The following CNTN4 variants were observed in gnomAD, a reference collection of about 807,000 sequenced individuals.
The protein encoded by CNTN4 is contactin-4.
Under a neutral mutation model 122.5 loss-of-function variants are expected in CNTN4, and 77 were observed. The observed-to-expected ratio is 0.63, with a 90% CI of 0.52 to 0.76. CNTN4 has a LOEUF of 0.76. CNTN4 is among the 30% of genes least tolerant of loss of function. The probability of loss-of-function intolerance (pLI) is 0.00; values close to 1 mark genes in which losing one functional copy is unlikely to be tolerated. For synonymous variants in CNTN4, 512 were observed against 447.0 expected, an observed-to-expected ratio of 1.15 and a Z score of -1.83; for missense variants, 1,256 against 1,259.1, an observed-to-expected ratio of 1.00 and a Z score of 0.04.
At chr3:2,289,418 A>G (rs537320891) in intron 2 of CNTN4, among the ~76,000 whole-genome samples, 3 of 152,362 alleles carry the variant, frequency 2.0e-5, no homozygotes, top group Admixed American at 1.3e-4. Flanking sequence ...TAATAATAGT[A>G]TCTATAAGAC....
At chr3:2,961,983 T>C (rs140596555) in intron 13 of CNTN4, among the ~76,000 whole-genome samples, 1 of 152,334 alleles carries the variant, frequency 6.6e-6, no homozygotes, top group East Asian at 1.9e-4. Context: ...CTTTTTAAGC[T>C]TGGGGAAAAT....
intron 12 of CNTN4, among the ~76,000 whole-genome samples, chr3:2,911,183 G>T (rs1361092206): frequency 1.5e-5 from 2 of 133,630 alleles, no homozygotes; most frequent in Admixed American, 7.7e-5. Flanking sequence ...TATGTGGGAG[G>T]CCCCCTGAGA....
At chr3:2,326,243 G>C (rs1384046315) in intron 2 of CNTN4, among the ~76,000 whole-genome samples, 1 of 152,146 alleles carries the variant, frequency 6.6e-6, no homozygotes, top group Non-Finnish European at 1.5e-5. Context: ...CCTTTGAACT[G>C]GGACATTGGC....
intron 4 of CNTN4, among the ~76,000 whole-genome samples, chr3:2,664,314 C>A (rs1393240507): frequency 1.9e-5 from 2 of 105,810 alleles, no homozygotes; most frequent in Non-Finnish European, 4.3e-5. Flanking sequence ...CTGTGATTTT[C>A]TTTTTTGGTC....
chr3:2,703,947 T>C (rs2086502078), intron 4 of CNTN4, among the ~76,000 whole-genome samples: 2 of 151,986 alleles, frequency 1.3e-5, no homozygotes, highest in South Asian at 2.1e-4. Flanking sequence ...CATATAATTA[T>C]TAGGGAAGAG....
At chr3:2,445,668 A>G (rs987185467) in intron 3 of CNTN4, among the ~76,000 whole-genome samples, 1 of 152,212 alleles carries the variant, frequency 6.6e-6, no homozygotes, top group East Asian at 1.9e-4. Context: ...AATTATTATT[A>G]TATTAATAGT....
rs192298319 is a variant in CNTN4 at position 2,170,282 on chromosome 3, C to T, written c.-145+69643C>T. On this transcript the variant is annotated intron_variant, in intron 2 of 24. Transcript: ENST00000418658. The stretch of plus-strand genomic sequence containing the variant: ...TTGCAGTGAGCCGAGATCGCGCCAC[C>T]GCACTCCAGCCTGGGCGACACACCA... 3.5e-3 allele frequency among the ~76,000 whole-genome samples: 536 copies of T among 151,226 alleles called. 3 individuals are homozygous for T. Among genetic ancestry groups the T allele is most frequent in the Middle Eastern group, 0.024 (7 of 292 alleles).
chr3:2,718,813 A>T (rs1317698703), intron 4 of CNTN4, among the ~76,000 whole-genome samples: 1 of 152,218 alleles, frequency 6.6e-6, no homozygotes, highest in East Asian at 1.9e-4. Context: ...ACTATAAGCC[A>T]AACATTTTAC....
chr3:2,222,804 T>C (rs985989396), intron 2 of CNTN4, among the ~76,000 whole-genome samples: 1 of 152,184 alleles, frequency 6.6e-6, no homozygotes, highest in Non-Finnish European at 1.5e-5. Context: ...ATGGAATTTG[T>C]AAGTCAGATT....
Position 2,529,154 on chromosome 3 carries a change from C to A in CNTN4, c.-88-42262C>A, listed in dbSNP as rs188805159. Among the ~76,000 whole-genome samples, 38 of 152,212 alleles carry A rather than the reference C, an allele frequency of 2.5e-4. No homozygotes were observed. In the East Asian group the frequency reaches 6.6e-3, roughly 26 times the overall value. ...AAAGCCACTACTCTACTCTCTACTT[C>A]TAGGAGATCAACTTTTCTTAGCTTC... is the stretch of plus-strand genomic sequence containing the variant. On this transcript the variant is annotated intron_variant, in intron 3 of 24. Transcript: ENST00000418658.
At chr3:2,195,120 G>C (rs1218842770) in intron 2 of CNTN4, among the ~76,000 whole-genome samples, 1 of 152,100 alleles carries the variant, frequency 6.6e-6, no homozygotes, top group Non-Finnish European at 1.5e-5. Context: ...TATACTCTCT[G>C]CTTCTGTGAG....
chr3:2,444,181 C>G (rs769258219), intron 3 of CNTN4, among the ~76,000 whole-genome samples: 1 of 146,992 alleles, frequency 6.8e-6, no homozygotes, highest in South Asian at 2.2e-4. Context: ...GGATAAAAAT[C>G]TCTGCCTTAT....
At chr3:2,640,436 G>A (rs2082850185) in intron 4 of CNTN4, among the ~76,000 whole-genome samples, 1 of 152,068 alleles carries the variant, frequency 6.6e-6, no homozygotes, top group Non-Finnish European at 1.5e-5. Context: ...TGTCTACCAG[G>A]GATTATATAC....
chr3:2,817,990 A>G (rs866314616), intron 6 of CNTN4, among the ~76,000 whole-genome samples: 56 of 152,308 alleles, frequency 3.7e-4, no homozygotes, highest in African/African-American at 1.3e-3. Flanking sequence ...ATGTAATTCA[A>G]ATCATAGCAC....
At chr3:2,176,731 T>G (rs1188067344) in intron 2 of CNTN4, among the ~76,000 whole-genome samples, 1 of 152,112 alleles carries the variant, frequency 6.6e-6, no homozygotes, top group Admixed American at 6.6e-5. Context: ...AGCGGTTAAA[T>G]TTTAAGATAT....
At chr3:2,494,343 G>T (rs1449196140) in intron 3 of CNTN4, among the ~76,000 whole-genome samples, 1 of 152,184 alleles carries the variant, frequency 6.6e-6, no homozygotes, top group Non-Finnish European at 1.5e-5. Context: ...GGTAGAACCT[G>T]AAGCATGTGG....
intron 3 of CNTN4, among the ~76,000 whole-genome samples, chr3:2,558,351 C>A (rs2078808317): frequency 6.6e-6 from 1 of 152,188 alleles, no homozygotes; most frequent in African/African-American, 2.4e-5. Flanking sequence ...GCATTCATTT[C>A]TTCTTACTCT....
intron 23 of CNTN4, among the ~76,000 whole-genome samples, chr3:3,052,497 C>A (rs1347095848): frequency 6.6e-6 from 1 of 152,138 alleles, no homozygotes; most frequent in Non-Finnish European, 1.5e-5. Flanking sequence ...GACCAAAAAC[C>A]ACTGACCTCA....
intron 4 of CNTN4, among the ~76,000 whole-genome samples, chr3:2,614,562 G>A (rs2081632196): frequency 6.6e-6 from 1 of 152,116 alleles, no homozygotes. Context: ...AACAGATTCA[G>A]GATGTTTGGG....
Sources: gnomAD v4.1 joint callset for allele counts (sites outside exome capture counted in the v4.1 genomes callset) on GRCh38, gnomAD v4.1.1 for gene constraint, MANE v1.5 for transcripts, NCBI Gene and HGNC (gene_info 2026-07-23, HGNC 2026-07-21) for gene names.